Variants in GABARAPL1 observed in about 807,000 individuals in gnomAD.
The protein encoded by GABARAPL1 is GABA type A receptor associated protein like 1, also known as gamma-aminobutyric acid receptor-associated protein-like 1.
GABARAPL1 carries 4 observed loss-of-function variants against 14.5 expected under a neutral mutation model. The ratio of observed to expected loss-of-function variants is 0.28; its 90% CI spans 0.14 to 0.63. GABARAPL1 has a LOEUF of 0.63. Ranked by LOEUF, GABARAPL1 falls within the 30% of genes least tolerant of loss-of-function variation. GABARAPL1 has a pLI of 0.84. For missense variants in GABARAPL1, 82 were observed against 139.2 expected (o/e 0.59, Z 2.07); for synonymous variants, 47 against 50.6 (o/e 0.93, Z 0.30).
Position 10,221,921 on chromosome 12 carries a change from TG to T in GABARAPL1, c.*73del. The T allele has an allele frequency of 1.4e-6, 2 of 1,439,558 alleles. No homozygotes were observed. Among genetic ancestry groups the T allele is most frequent in the Admixed American group, 1.7e-5 (1 of 58,448 alleles). The allele number at this position is 1,439,558 out of a possible 1,614,324, so 89.2% of individuals were successfully genotyped here. A position where few individuals can be genotyped will look rare whatever the true frequency, so the allele number is the denominator to read the frequency against. ...AGGGGAGGGGTGTGTGTGCGCGACA[TG>T]GGGAAAGAGGGTGGCTCCCACCGCA... On this transcript the variant is annotated 3_prime_UTR_variant, in exon 4 of 4. Transcript: ENST00000266458.
In GABARAPL1 at chr12:10,213,098, G is replaced by A; in HGVS notation, c.-32G>A. On this transcript the variant is annotated 5_prime_UTR_variant, in exon 1 of 4. Coordinates refer to ENST00000266458, the MANE Select transcript of GABARAPL1 (RefSeq NM_031412.4). ...GTCAGCGGCGAAGGAGGCAGGCCCCGCGCGGGGATCTCGGAAGCCCTGCGG... is the reference window on the plus strand; with the variant it reads ...GTCAGCGGCGAAGGAGGCAGGCCCCACGCGGGGATCTCGGAAGCCCTGCGG... 7.1e-7 allele frequency: 1 copy of A among 1,405,624 alleles called. No individual in the cohort carries two copies. The allele number at this position is 1,405,624 out of a possible 1,614,324, so 87.1% of individuals were successfully genotyped here. A position where few individuals can be genotyped will look rare whatever the true frequency, so the allele number is the denominator to read the frequency against.
chr12:10,213,257 G>C, intron 1 of GABARAPL1, 38 bp downstream of exon 1: 1 of 1,215,176 alleles, frequency 8.2e-7, no homozygotes, highest in Non-Finnish European at 1.2e-6. Context: ...GAGGGGAAGG[G>C]CCCGCGGGGG....
chr12:10,216,098 C>G (rs1043790360), intron 1 of GABARAPL1, among the ~76,000 whole-genome samples: 6 of 152,068 alleles, frequency 3.9e-5, no homozygotes, highest in African/African-American at 1.4e-4. Flanking sequence ...AAGCTGGGCA[C>G]GGTGGCTCAC....
At chr12:10,218,529 T>C (rs1177192792) in intron 2 of GABARAPL1, among the ~76,000 whole-genome samples, 1 of 151,812 alleles carries the variant, frequency 6.6e-6, no homozygotes, top group Non-Finnish European at 1.5e-5. Context: ...GCCGAGATCA[T>C]GCCACTGCAC....
chr12:10,218,242 G>C (rs1949101461), intron 2 of GABARAPL1, 101 bp downstream of exon 2: 1 of 786,324 alleles, frequency 1.3e-6, no homozygotes, highest in Non-Finnish European at 2.3e-6. Flanking sequence ...GTACATACTT[G>C]AAGGAAGTGA....
At position 10,218,115 on chromosome 12, in the gene GABARAPL1, A is replaced by G; in HGVS notation, c.143A>G (p.Lys48Arg). 1 of 1,609,376 alleles carries G rather than the reference A, an allele frequency of 6.2e-7. No individual in the cohort carries two copies. ...AGGGTGCCTGATCTGGACAAGAGGA[A>G]GTACCTAGTGCCCTCTGACCTTACT... The part of the protein sequence containing the change: ...KARVPDLDKR[K>R]YLVPSDLTVG... The change falls in exon 2 of 4, where the codon AAG (lysine) becomes AGG (arginine). Residue 48 changes from lysine to arginine, a missense_variant. Transcript: ENST00000266458.
chr12:10,213,942 C>T, intron 1 of GABARAPL1: 2 of 453,214 alleles, frequency 4.4e-6, no homozygotes, highest in South Asian at 1.6e-5. Flanking sequence ...CCGTTTTGGA[C>T]ACCGGCTTAA....
Position 10,213,125 on chromosome 12 carries a change from G to T in GABARAPL1, c.-5G>T. 6.4e-7 allele frequency: 1 copy of T among 1,570,252 alleles called. No homozygotes were observed. Among genetic ancestry groups the T allele is most frequent in the Admixed American group, 1.9e-5 (1 of 53,812 alleles). The stretch of plus-strand genomic sequence containing the variant: ...GCGGGGATCTCGGAAGCCCTGCGGT[G>T]CATCATGAAGTTCCAGTACAAGGAG... On this transcript the variant is annotated 5_prime_UTR_variant, in exon 1 of 4. Coordinates refer to ENST00000266458, the MANE Select transcript of GABARAPL1 (RefSeq NM_031412.4).
Position 10,220,482 on chromosome 12 carries a change from G to A in GABARAPL1, c.212G>A (p.Arg71Lys). The change falls in exon 3 of 4, where the codon AGA (arginine) becomes AAA (lysine). Residue 71 changes from arginine (R) to lysine (K), a missense_variant. Physicochemically the swap from Arg to Lys is conservative, Grantham distance 26. This residue lies in a region of GABARAPL1 where 65 missense variants were observed against 103.7 expected (regional missense o/e 0.63). Transcript: ENST00000266458. ...TTAATCCGGAAGAGAATCCACCTGA[G>A]ACCTGAGGACGCCTTATTCTTCTTT... ...YFLIRKRIHL[R>K]PEDALFFFVN... 6.2e-7 allele frequency: 1 copy of A among 1,613,362 alleles called. No individual in the cohort carries two copies. Among genetic ancestry groups the A allele is most frequent in the Non-Finnish European group, 8.5e-7 (1 of 1,180,006 alleles).
In GABARAPL1 at chr12:10,218,140, T is replaced by C. The variant is rs1949100860; in HGVS notation, c.168T>C (p.Thr56=). The change falls in exon 2 of 4, where the codon ACT becomes ACC. Residue 56 remains threonine (T), a splice_region_variant and synonymous_variant. Coordinates refer to ENST00000266458, the MANE Select transcript of GABARAPL1 (RefSeq NM_031412.4). ...KRKYLVPSDL[T]VGQFYFLIRK... ...AGTACCTAGTGCCCTCTGACCTTACTGGTAATGCTCTTTGCCTTCCCTGAC... is the reference window on the plus strand; with the variant it reads ...AGTACCTAGTGCCCTCTGACCTTACCGGTAATGCTCTTTGCCTTCCCTGAC... The C allele has an allele frequency of 6.3e-7, 1 of 1,591,982 alleles. No homozygotes were observed. The highest frequency in any genetic ancestry group is 1.1e-5 in the South Asian group (1 of 90,670).
At chr12:10,215,725 A>G (rs1441169883) in intron 1 of GABARAPL1, among the ~76,000 whole-genome samples, 2 of 152,062 alleles carry the variant, frequency 1.3e-5, no homozygotes, top group Admixed American at 1.3e-4. Flanking sequence ...CCTTTGGGGC[A>G]CAATGCTAGC....
chr12:10,214,483 ATTAC>A (rs1195930023), intron 1 of GABARAPL1: 1 of 152,222 alleles, frequency 6.6e-6, no homozygotes, highest in Non-Finnish European at 1.5e-5. Flanking sequence ...TCCTTTACAA[ATTAC>A]TTTCCTGGTT....
chr12:10,221,700 C>A, intron 3 of GABARAPL1, 87 bp from the exon 4 acceptor site: 1 of 1,459,378 alleles, frequency 6.9e-7, no homozygotes, highest in Non-Finnish European at 9.5e-7. Context: ...CCTTCCATAC[C>A]TGCTTTACAA....
chr12:10,213,007 C>T lies in GABARAPL1; in HGVS notation c.-123C>T. ...GCACACTCGGCCCAGCGCTGTTGCC[C>T]CCGGAGCGGACGTTTCTGCAGCTAT... On this transcript the variant is annotated 5_prime_UTR_variant, in exon 1 of 4. Transcript: ENST00000266458. 3.0e-6 allele frequency: 2 copies of T among 659,362 alleles called. No individual in the cohort carries two copies. The highest frequency in any genetic ancestry group is 5.5e-6 in the Non-Finnish European group (2 of 362,026). 40.8% of individuals were successfully genotyped at this position (659,362 alleles called of 1,614,324 possible).
intron 2 of GABARAPL1, 103 bp from the exon 3 acceptor site, chr12:10,220,337 T>C: frequency 1.3e-6 from 2 of 1,543,190 alleles, no homozygotes; most frequent in East Asian, 4.5e-5. Context: ...GTACTGACTC[T>C]AAGGTGAAAA....
intron 1 of GABARAPL1, among the ~76,000 whole-genome samples, chr12:10,217,771 T>A (rs1949098611): frequency 6.6e-6 from 1 of 152,196 alleles, no homozygotes; most frequent in Non-Finnish European, 1.5e-5. Context: ...TAGGTATATG[T>A]CCTATAGTAG....
chr12:10,213,324 G>A, intron 1 of GABARAPL1, 105 bp downstream of exon 1: 1 of 736,058 alleles, frequency 1.4e-6, no homozygotes, highest in Non-Finnish European at 2.5e-6. Context: ...CTGGAGAAGG[G>A]AGGTTCCGAG....
At chr12:10,214,206 C>T (rs947018288) in intron 1 of GABARAPL1, 3 of 198,578 alleles carry the variant, frequency 1.5e-5, no homozygotes, top group African/African-American at 2.3e-5. Context: ...ATTAGTATTA[C>T]GTGTCACATA....
chr12:10,213,237 G>A lies in GABARAPL1; in HGVS notation c.90+18G>A, dbSNP rs753428135. The A allele has an allele frequency of 4.2e-6, 6 of 1,440,740 alleles. No homozygotes were observed. The highest frequency in any genetic ancestry group is 5.7e-6 in the Non-Finnish European group (6 of 1,044,012). 89.2% of individuals were successfully genotyped at this position (1,440,740 alleles called of 1,614,324 possible). On this transcript the variant is annotated intron_variant, in intron 1 of 3. Transcript: ENST00000266458. Reference sequence around the variant, plus strand: ...GGGTCCCCGTGAGTGTAGAGGAGCGGAGGGGATGGGAGGGGAAGGGCCCGC... The same window carrying A: ...GGGTCCCCGTGAGTGTAGAGGAGCGAAGGGGATGGGAGGGGAAGGGCCCGC...
Sources: allele counts gnomAD v4.1 joint callset (sites outside exome capture counted in the v4.1 genomes callset), GRCh38; gene constraint gnomAD v4.1.1; regional missense constraint gnomAD v4.1.1; transcripts MANE v1.5; gene names NCBI Gene and HGNC (gene_info 2026-07-23, HGNC 2026-07-21).